HNRNPC: variants seen among roughly 807,000 people sequenced by gnomAD.
The protein encoded by HNRNPC is heterogeneous nuclear ribonucleoproteins C1/C2.
A neutral mutation model predicts 33.2 loss-of-function variants in HNRNPC; 3 were observed. That is an observed-to-expected ratio of 0.09 (90% CI 0.04 to 0.23). The LOEUF is 0.23. Ranked by LOEUF, HNRNPC falls within the 10% of genes least tolerant of loss-of-function variation. HNRNPC has a pLI of 1.00. For synonymous variants in HNRNPC, 121 were observed against 126.7 expected, an observed-to-expected ratio of 0.96 and a Z score of 0.30; for missense variants, 143 against 366.7, an observed-to-expected ratio of 0.39 and a Z score of 4.98.
At chr14:21,252,529 T>C (rs1483405313) in intron 2 of HNRNPC, among the ~76,000 whole-genome samples, 1 of 152,144 alleles carries the variant, frequency 6.6e-6, no homozygotes, top group Non-Finnish European at 1.5e-5. Context: ...GCCAGGCTGG[T>C]CTCGAACTCC....
At chr14:21,235,039 T>A (rs921310023) in intron 2 of HNRNPC, among the ~76,000 whole-genome samples, 4 of 152,160 alleles carry the variant, frequency 2.6e-5, no homozygotes, top group African/African-American at 9.6e-5. Context: ...TAAAGAAAAA[T>A]ACACAACTTT....
At chr14:21,255,884 A>C (rs1877101034) in intron 2 of HNRNPC, among the ~76,000 whole-genome samples, 1 of 152,234 alleles carries the variant, frequency 6.6e-6, no homozygotes. Flanking sequence ...AAGACACATC[A>C]CTAAGGGGGT....
At chr14:21,259,942 G>C (rs571782063) in intron 2 of HNRNPC, among the ~76,000 whole-genome samples, 27 of 150,034 alleles carry the variant, frequency 1.8e-4, no homozygotes, top group African/African-American at 6.6e-4. Flanking sequence ...GCTCACGCCT[G>C]TAATCCCAGC....
intron 7 of HNRNPC, 120 bp from the exon 8 acceptor site, chr14:21,211,686 C>T (rs549241593): frequency 1.4e-6 from 2 of 1,406,778 alleles, no homozygotes; most frequent in South Asian, 1.3e-5. Flanking sequence ...AATACCCTTC[C>T]CAATTCACAC....
chr14:21,218,968 G>A (rs1389638724), intron 5 of HNRNPC, among the ~76,000 whole-genome samples: 1 of 151,580 alleles, frequency 6.6e-6, no homozygotes, highest in East Asian at 1.9e-4. Context: ...ATATTAGCTG[G>A]GCATGGTGGC....
intron 2 of HNRNPC, among the ~76,000 whole-genome samples, chr14:21,255,511 G>T (rs1877025179): frequency 1.3e-5 from 2 of 152,188 alleles, no homozygotes; most frequent in African/African-American, 4.8e-5. Context: ...CTCTATCACA[G>T]CTAAACCTTT....
intron 3 of HNRNPC, among the ~76,000 whole-genome samples, chr14:21,233,677 T>C (rs182323845): frequency 1.1e-3 from 172 of 152,298 alleles, no homozygotes; most frequent in African/African-American, 3.9e-3. Context: ...CACAACCATT[T>C]AGGCAACGTT....
intron 2 of HNRNPC, among the ~76,000 whole-genome samples, chr14:21,246,379 G>A (rs1490019154): frequency 6.6e-6 from 1 of 152,158 alleles, no homozygotes; most frequent in East Asian, 1.9e-4. Flanking sequence ...CTAACATGGT[G>A]AAACTCCGTC....
intron 5 of HNRNPC, among the ~76,000 whole-genome samples, chr14:21,214,646 T>G (rs1297416883): frequency 6.6e-6 from 1 of 152,244 alleles, no homozygotes; most frequent in Non-Finnish European, 1.5e-5. Flanking sequence ...TTTAATCCAT[T>G]CATGGGAATT....
chr14:21,244,635 T>A (rs1234008537), intron 2 of HNRNPC, among the ~76,000 whole-genome samples: 1 of 152,224 alleles, frequency 6.6e-6, no homozygotes. Flanking sequence ...AATCACACAT[T>A]GCTTAATGAC....
At chr14:21,257,834 T>TA in intron 2 of HNRNPC, among the ~76,000 whole-genome samples, 1 of 152,262 alleles carries the variant, frequency 6.6e-6, no homozygotes. Context: ...GTGCTGGGAT[T>TA]ATAGGCATAA....
At chr14:21,215,946 G>GA (rs35342046) in intron 5 of HNRNPC, among the ~76,000 whole-genome samples, 31,354 of 138,950 alleles carry the variant, frequency 0.23, 4,711 homozygotes, top group African/African-American at 0.43. Flanking sequence ...AAAAGAAAAA[G>GA]AAAAAAAAAA....
At chr14:21,231,932 AC>A (rs1894166068) in intron 3 of HNRNPC, among the ~76,000 whole-genome samples, 1 of 152,196 alleles carries the variant, frequency 6.6e-6, no homozygotes, top group South Asian at 2.1e-4. Context: ...AAGTGTGACA[AC>A]CTCAAATCAT....
At chr14:21,247,514 GGTTTA>G (rs1896118431) in intron 2 of HNRNPC, among the ~76,000 whole-genome samples, 1 of 151,976 alleles carries the variant, frequency 6.6e-6, no homozygotes, top group African/African-American at 2.4e-5. Flanking sequence ...GTTATACTCT[GGTTTA>G]GTTTTCTATT....
intron 5 of HNRNPC, among the ~76,000 whole-genome samples, chr14:21,220,444 G>C (rs550172145): frequency 2.6e-5 from 4 of 152,070 alleles, no homozygotes; most frequent in Non-Finnish European, 5.9e-5. Context: ...AGCCAGGCTG[G>C]TCTTGAACTC....
At chr14:21,229,813 T>G (rs1893906977) in intron 5 of HNRNPC, among the ~76,000 whole-genome samples, 1 of 152,216 alleles carries the variant, frequency 6.6e-6, no homozygotes, top group African/African-American at 2.4e-5. Context: ...GTAATATGCT[T>G]TATATATTGC....
chr14:21,216,040 CAGGA>C, intron 5 of HNRNPC, among the ~76,000 whole-genome samples: 1 of 149,022 alleles, frequency 6.7e-6, no homozygotes, highest in East Asian at 2.0e-4. Flanking sequence ...TGCTTGAACC[CAGGA>C]AGGAAGTGGG....
intron 1 of HNRNPC, among the ~76,000 whole-genome samples, chr14:21,269,095 T>G (rs575628216): frequency 2.0e-5 from 3 of 152,132 alleles, no homozygotes; most frequent in South Asian, 2.1e-4. Context: ...CTGGCGATCG[T>G]GGCCTAGAGG....
intron 2 of HNRNPC, among the ~76,000 whole-genome samples, chr14:21,245,265 G>A (rs901076587): frequency 9.2e-5 from 14 of 152,186 alleles, no homozygotes; most frequent in African/African-American, 3.4e-4. Context: ...GGAGGCCGAG[G>A]TGGGTGGATC....
Sources: gnomAD v4.1 joint callset for allele counts (sites outside exome capture counted in the v4.1 genomes callset) on GRCh38, gnomAD v4.1.1 for gene constraint, MANE v1.5 for transcripts, NCBI Gene and HGNC (gene_info 2026-07-23, HGNC 2026-07-21) for gene names.